Variants in GTF2A1L observed in about 807,000 individuals in gnomAD.
The protein encoded by GTF2A1L is general transcription factor IIA subunit 1 like.
Under a neutral mutation model 49.7 loss-of-function variants are expected in GTF2A1L, and 48 were observed. That is an observed-to-expected ratio of 0.97 (90% CI 0.77 to 1.23). The LOEUF (loss-of-function observed/expected upper bound fraction) is 1.23, where lower values mean the gene tolerates loss of function less well. Among genes scored for constraint, GTF2A1L ranks in the 50% most tolerant of loss-of-function variants. The pLI is 0.00. For missense variants in GTF2A1L, 736 were observed against 564.8 expected, an observed-to-expected ratio of 1.30 and a Z score of -3.07; for synonymous variants, 246 against 193.5, an observed-to-expected ratio of 1.27 and a Z score of -2.25.
intron 1 of GTF2A1L, among the ~76,000 whole-genome samples, chr2:48,619,833 G>T (rs567869026): frequency 1.3e-5 from 2 of 152,238 alleles, no homozygotes; most frequent in Admixed American, 1.3e-4. Flanking sequence ...GTAGAAATCT[G>T]CTTAATTTCA....
intron 5 of GTF2A1L, among the ~76,000 whole-genome samples, chr2:48,645,346 A>G (rs781366400): frequency 2.0e-5 from 3 of 152,178 alleles, no homozygotes; most frequent in African/African-American, 4.8e-5. Flanking sequence ...CTCTTTCCCA[A>G]CATTGTATAG....
chr2:48,629,053 C>A (rs1406521347), intron 3 of GTF2A1L, among the ~76,000 whole-genome samples: 1 of 142,900 alleles, frequency 7.0e-6, no homozygotes, highest in Admixed American at 7.1e-5. Context: ...ACCAGCCTGA[C>A]CAACATGGTG....
In GTF2A1L at chr2:48,669,911, A is replaced by G. The variant is rs1442374535; in HGVS notation, c.1168A>G (p.Ser390Gly). The change falls in exon 7 of 9, where the codon AGT becomes GGT. Residue 390 changes from serine to glycine, a missense_variant. Ser to Gly is a moderately conservative substitution (Grantham distance 56). Coordinates refer to ENST00000403751, the MANE Select transcript of GTF2A1L (RefSeq NM_006872.5). ...GAAGGTACCTGAAGAAGAAGCTGACAGTATTTCAAATGAGGATTCAGCCAC... is the reference window on the plus strand; with the variant it reads ...GAAGGTACCTGAAGAAGAAGCTGACGGTATTTCAAATGAGGATTCAGCCAC... ...DLKVPEEEAD[S>G]ISNEDSATNS... 1 of 1,614,142 alleles carries G rather than the reference A, an allele frequency of 6.2e-7. No individual in the cohort carries two copies. The highest frequency in any genetic ancestry group is 8.5e-7 in the Non-Finnish European group (1 of 1,180,014).
chr2:48,620,370 A>G lies in GTF2A1L; in HGVS notation c.22-481A>G, dbSNP rs543547527. Among the ~76,000 whole-genome samples the G allele has an allele frequency of 1.2e-4, 18 of 152,338 alleles. No homozygotes were observed. In the South Asian group the frequency reaches 1.2e-3, roughly 11 times the overall value. ...AAGCTAACACAGTTTATGGAAAGCTAAGACTATATTGGGAATAGGAATGTA... is the reference window on the plus strand; with the variant it reads ...AAGCTAACACAGTTTATGGAAAGCTGAGACTATATTGGGAATAGGAATGTA... On this transcript the variant is annotated intron_variant, in intron 1 of 8. Transcript: ENST00000403751.
chr2:48,659,545 C>G (rs917235555), intron 6 of GTF2A1L, among the ~76,000 whole-genome samples: 9 of 151,984 alleles, frequency 5.9e-5, no homozygotes, highest in African/African-American at 2.2e-4. Context: ...TGTGTTGGCT[C>G]TTTAGATGGC....
chr2:48,679,264 T>C (rs1679636228), intron 8 of GTF2A1L, 71 bp from the exon 9 acceptor site: 1 of 1,556,852 alleles, frequency 6.4e-7, no homozygotes, highest in South Asian at 1.2e-5. Context: ...TCCCATTTAC[T>C]GTAGCAGAGA....
chr2:48,644,988 G>A, intron 4 of GTF2A1L, 45 bp from the exon 5 acceptor site: 1 of 1,555,426 alleles, frequency 6.4e-7, no homozygotes. Flanking sequence ...AAAGATACAA[G>A]TAAAGTCCTT....
At chr2:48,660,537 A>T (rs1678432221) in intron 6 of GTF2A1L, among the ~76,000 whole-genome samples, 1 of 152,042 alleles carries the variant, frequency 6.6e-6, no homozygotes, top group Admixed American at 6.6e-5. Flanking sequence ...TTTTTAAAAT[A>T]GATTATCTGA....
At chr2:48,644,090 G>T (rs930486222) in intron 4 of GTF2A1L, among the ~76,000 whole-genome samples, 2 of 152,184 alleles carry the variant, frequency 1.3e-5, no homozygotes, top group African/African-American at 2.4e-5. Context: ...AGGATCACTT[G>T]AGCCTCGTAA....
At chr2:48,640,852 G>T (rs1023985934) in intron 3 of GTF2A1L, among the ~76,000 whole-genome samples, 1 of 151,928 alleles carries the variant, frequency 6.6e-6, no homozygotes, top group Non-Finnish European at 1.5e-5. Flanking sequence ...GGTATAACTT[G>T]TGAGCATATA....
intron 6 of GTF2A1L, among the ~76,000 whole-genome samples, chr2:48,653,932 A>G (rs920204899): frequency 6.6e-6 from 1 of 151,472 alleles, no homozygotes; most frequent in Non-Finnish European, 1.5e-5. Flanking sequence ...AAAAAAAAAA[A>G]AAAAAAAAAA....
Position 48,646,648 on chromosome 2 carries a change from A to C in GTF2A1L, c.584A>C (p.Gln195Pro). ...EKSQRIETVL[Q>P]QPAILPSGPV... ...TCACAGAGAATTGAAACCGTGCTAC[A>C]GCAACCCGCAATTCTACCTTCTGGG... Residue 195 changes from glutamine to proline, a missense_variant, in exon 6 of 9, where the codon CAG becomes CCG. Coordinates refer to ENST00000403751, the MANE Select transcript of GTF2A1L (RefSeq NM_006872.5). 6.2e-7 allele frequency: 1 copy of C among 1,614,170 alleles called. No homozygotes were observed. The highest frequency in any genetic ancestry group is 1.1e-5 in the South Asian group (1 of 91,078).
rs1019135188 is a variant in GTF2A1L at position 48,628,795 on chromosome 2, G to T, written c.247+7505G>T. Among the ~76,000 whole-genome samples, 27 of 143,748 alleles carry T rather than the reference G, an allele frequency of 1.9e-4. 2 individuals carry two copies. Among genetic ancestry groups the T allele is most frequent in the African/African-American group, 4.5e-4 (18 of 40,414 alleles). 94.3% of individuals were successfully genotyped at this position (143,748 alleles called of 152,430 possible). A position where few individuals can be genotyped will look rare whatever the true frequency, so the allele number is the denominator to read the frequency against. ...TAGTTATAAATTATTTTCCAAGGCC[G>T]ATTTCTAGAATGGTGTTTCCTAGGT... On this transcript the variant is annotated intron_variant, in intron 3 of 8. Coordinates refer to ENST00000403751, the MANE Select transcript of GTF2A1L (RefSeq NM_006872.5).
Position 48,621,156 on chromosome 2 carries a change from C to T in GTF2A1L, c.124-11C>T, listed in dbSNP as rs13035544. 323,880 of 1,584,440 alleles carry T rather than the reference C, an allele frequency of 0.2. 34,250 individuals carry two copies. The highest frequency in any genetic ancestry group is 0.25 in the South Asian group (21,004 of 85,574). ...TTTTTTTAAAGTAAACTTTTTTTTT[C>T]CCCTCTGCAGCTCTGGGAAACCAAG... On this transcript the variant is annotated splice_polypyrimidine_tract_variant and intron_variant, in intron 2 of 8. Coordinates refer to ENST00000403751, the MANE Select transcript of GTF2A1L (RefSeq NM_006872.5).
chr2:48,677,331 TG>T (rs1483781966), intron 8 of GTF2A1L, among the ~76,000 whole-genome samples: 1 of 151,754 alleles, frequency 6.6e-6, no homozygotes, highest in African/African-American at 2.4e-5. Flanking sequence ...TTAGATGGAG[TG>T]TCTAGGGGGG....
chr2:48,671,524 G>A (rs544327300), intron 7 of GTF2A1L, 67 bp from the exon 8 acceptor site: 2 of 1,513,738 alleles, frequency 1.3e-6, no homozygotes, highest in Admixed American at 1.9e-5. Flanking sequence ...ATTTCTATAT[G>A]TCTCTTTATC....
intron 6 of GTF2A1L, among the ~76,000 whole-genome samples, chr2:48,653,696 A>T (rs1677996331): frequency 6.6e-6 from 1 of 152,030 alleles, no homozygotes; most frequent in Admixed American, 6.6e-5. Context: ...ACTTTGGGAG[A>T]CTGAGGCGGT....
intron 6 of GTF2A1L, among the ~76,000 whole-genome samples, chr2:48,655,889 T>C (rs1678142130): frequency 6.6e-6 from 1 of 152,154 alleles, no homozygotes; most frequent in Non-Finnish European, 1.5e-5. Context: ...CAATTCTACT[T>C]TCCATCTCTA....
intron 6 of GTF2A1L, among the ~76,000 whole-genome samples, chr2:48,654,185 T>C (rs1256781661): frequency 6.6e-6 from 1 of 152,152 alleles, no homozygotes; most frequent in Non-Finnish European, 1.5e-5. Flanking sequence ...GAGAAGTTTT[T>C]AATTTTGATG....
Sources: allele counts gnomAD v4.1 joint callset (sites outside exome capture counted in the v4.1 genomes callset), GRCh38; gene constraint gnomAD v4.1.1; transcripts MANE v1.5; gene names NCBI Gene and HGNC (gene_info 2026-07-23, HGNC 2026-07-21).